ANKRD30B: variants seen among roughly 807,000 people sequenced by gnomAD.
ANKRD30B encodes ankyrin repeat domain-containing protein 30B.
ANKRD30B carries 144 observed loss-of-function variants against 202.2 expected under a neutral mutation model. That is an observed-to-expected ratio of 0.71 (90% CI 0.62 to 0.82). The LOEUF is 0.82. ANKRD30B is among the 40% of genes least tolerant of loss of function. ANKRD30B has a pLI of 0.00. For missense variants in ANKRD30B, 1,487 were observed against 1,669.1 expected (o/e 0.89, Z 1.90); for synonymous variants, 508 against 561.3 (o/e 0.91, Z 1.34).
intron 8 of ANKRD30B, among the ~76,000 whole-genome samples, chr18:14,771,461 A>G (rs1967002533): frequency 6.6e-6 from 1 of 152,220 alleles, no homozygotes; most frequent in Admixed American, 6.5e-5. Context: ...GGACAAGTAT[A>G]AAATAAGTAG....
At chr18:14,839,748 A>G (rs1208851426) in intron 36 of ANKRD30B, among the ~76,000 whole-genome samples, 2 of 152,192 alleles carry the variant, frequency 1.3e-5, no homozygotes, top group Admixed American at 1.3e-4. Flanking sequence ...AGCAAAAAAG[A>G]TGTAAAATTA....
rs1235481502 is a variant in ANKRD30B at position 14,831,620 on chromosome 18, AGTTTTTTTTTT to A, written c.2847+174_2847+184del. 3.3e-5 allele frequency among the ~76,000 whole-genome samples: 5 copies of A among 151,524 alleles called. No homozygotes were observed. The South Asian group carries it at 6.2e-4, about 19-fold the overall frequency. ...AGAAATATGAGTAGTTGATTTAAAC[AGTTTTTTTTTT>A]GTTTTTTTGTTTGTTTGTTTTACTT... On this transcript the variant is annotated intron_variant, in intron 34 of 43. Coordinates refer to ENST00000690538, the MANE Select transcript of ANKRD30B (RefSeq NM_001367607.2).
At chr18:14,892,697 G>A in the ANKRD30B span, among the ~76,000 whole-genome samples, 1 of 133,724 alleles carries the variant, frequency 7.5e-6, no homozygotes, top group Non-Finnish European at 1.5e-5. Flanking sequence ...CCAAAACGGT[G>A]CCACTGCCCT....
At chr18:14,793,078 G>A (rs568845895) in intron 16 of ANKRD30B, among the ~76,000 whole-genome samples, 1 of 152,240 alleles carries the variant, frequency 6.6e-6, no homozygotes, top group East Asian at 1.9e-4. Flanking sequence ...GATGAGGTTT[G>A]TACATCTTCC....
chr18:14,793,620 C>T (rs1399932868), intron 16 of ANKRD30B, among the ~76,000 whole-genome samples: 7 of 152,018 alleles, frequency 4.6e-5, no homozygotes, highest in African/African-American at 1.4e-4. Context: ...TCAGGCCAGG[C>T]GTGGTGACTC....
chr18:14,935,182 C>A, the ANKRD30B span, among the ~76,000 whole-genome samples: 1 of 152,156 alleles, frequency 6.6e-6, no homozygotes, highest in African/African-American at 2.4e-5. Flanking sequence ...GGGAGGGGTA[C>A]CTCGAGGAGG....
chr18:14,764,560 A>AT (rs35592672), intron 7 of ANKRD30B, among the ~76,000 whole-genome samples: 40,661 of 151,562 alleles, frequency 0.27, 5,772 homozygotes, highest in Middle Eastern at 0.31. Context: ...CACCTGGCTG[A>AT]TTTTTTGTAT....
intron 15 of ANKRD30B, among the ~76,000 whole-genome samples, chr18:14,791,021 T>C (rs1177364106): frequency 1.3e-5 from 2 of 152,200 alleles, no homozygotes; most frequent in East Asian, 1.9e-4. Context: ...CATCTGGTCC[T>C]GGACTCTTTT....
chr18:14,847,090 A>G (rs1417699268), intron 39 of ANKRD30B, among the ~76,000 whole-genome samples: 6 of 134,082 alleles, frequency 4.5e-5, no homozygotes, highest in Admixed American at 1.5e-4. Context: ...ATATATATAT[A>G]TATGTATAAT....
the ANKRD30B span, among the ~76,000 whole-genome samples, chr18:14,915,829 A>C: frequency 3.1e-4 from 47 of 152,220 alleles, no homozygotes; most frequent in Non-Finnish European, 5.7e-4. Flanking sequence ...TTCTACATCC[A>C]CAAGTCAAAA....
In ANKRD30B at chr18:14,791,408, G is replaced by A. The variant is rs780783994; in HGVS notation, c.1742G>A (p.Cys581Tyr). ...EENSWDSESPCETVSQKDVYL... is the reference protein window; with the variant it reads ...EENSWDSESPYETVSQKDVYL... ...TGATATTACTTTTAACAGAGTCCCTGTGAGACGGTTTCACAGAAGGATGTG... is the reference window on the plus strand; with the variant it reads ...TGATATTACTTTTAACAGAGTCCCTATGAGACGGTTTCACAGAAGGATGTG... The change falls in exon 16 of 44, where the codon TGT (cysteine) becomes TAT (tyrosine). Residue 581 changes from cysteine (C) to tyrosine (Y), a missense_variant. Around this residue, in one of 6 missense-constraint regions of ANKRD30B, gnomAD observed 889 missense variants for 841.4 expected, o/e 1.06. Transcript: ENST00000690538. 1 of 1,607,866 alleles carries A rather than the reference G, an allele frequency of 6.2e-7. No homozygotes were observed. The highest frequency in any genetic ancestry group is 1.3e-5 in the African/African-American group (1 of 74,708).
chr18:14,757,718 C>A lies in ANKRD30B; in HGVS notation c.618-97C>A. 4 of 1,324,628 alleles carry A rather than the reference C, an allele frequency of 3.0e-6. No homozygotes were observed. In the East Asian group the frequency reaches 7.4e-5, roughly 24 times the overall value. 82.1% of individuals were successfully genotyped at this position (1,324,628 alleles called of 1,614,324 possible). On this transcript the variant is annotated intron_variant, in intron 4 of 43. Coordinates refer to ENST00000690538, the MANE Select transcript of ANKRD30B (RefSeq NM_001367607.2). ...GATAAACACTTGAGCACTCAAGATACTTATGTTTGTTAGTACATGTAAATG... is the reference window on the plus strand; with the variant it reads ...GATAAACACTTGAGCACTCAAGATAATTATGTTTGTTAGTACATGTAAATG...
chr18:14,863,245 A>C, the ANKRD30B span, among the ~76,000 whole-genome samples: 1 of 108,508 alleles, frequency 9.2e-6, no homozygotes. Flanking sequence ...ATGTGATCTT[A>C]AACGTTGGTG....
the ANKRD30B span, among the ~76,000 whole-genome samples, chr18:14,939,209 C>G: frequency 1.3e-5 from 2 of 152,160 alleles, no homozygotes; most frequent in Admixed American, 1.3e-4. Flanking sequence ...TTCTGACAAA[C>G]TTGATCTTAG....
chr18:14,779,984 A>T lies in ANKRD30B; in HGVS notation c.1445A>T (p.Lys482Ile). 6.2e-7 allele frequency: 1 copy of T among 1,606,398 alleles called. No individual in the cohort carries two copies. The highest frequency in any genetic ancestry group is 8.5e-7 in the Non-Finnish European group (1 of 1,174,390). ...IEDQMFPSES[K>I]REEDEEYSWD... is the part of the protein sequence containing the mutation. The stretch of plus-strand genomic sequence containing the variant: ...GATCAGATGTTCCCATCAGAATCCA[A>T]ACGAGAGGAAGATGAAGAATATTCT... The change falls in exon 11 of 44, where the codon AAA becomes ATA. Residue 482 changes from lysine to isoleucine, a missense_variant. Around this residue, in one of 6 missense-constraint regions of ANKRD30B, gnomAD observed 889 missense variants for 841.4 expected, o/e 1.06. Coordinates refer to ENST00000690538, the MANE Select transcript of ANKRD30B (RefSeq NM_001367607.2).
At chr18:14,930,457 T>C in the ANKRD30B span, among the ~76,000 whole-genome samples, 13 of 152,174 alleles carry the variant, frequency 8.5e-5, no homozygotes, top group Middle Eastern at 3.4e-3. Context: ...CATGGTCTTC[T>C]CTGATGAGGA....
At chr18:14,889,084 G>A in the ANKRD30B span, among the ~76,000 whole-genome samples, 2 of 151,202 alleles carry the variant, frequency 1.3e-5, no homozygotes, top group African/African-American at 4.9e-5. Flanking sequence ...GCATAAAAAG[G>A]TATCTTAAAT....
chr18:14,874,852 T>C, the ANKRD30B span, among the ~76,000 whole-genome samples: 2 of 152,190 alleles, frequency 1.3e-5, no homozygotes, highest in Non-Finnish European at 2.9e-5. Flanking sequence ...CCTGAGCCCT[T>C]TCAAACTTTT....
chr18:14,756,887 G>A (rs928882410), intron 4 of ANKRD30B, among the ~76,000 whole-genome samples: 1 of 151,936 alleles, frequency 6.6e-6, no homozygotes, highest in African/African-American at 2.4e-5. Context: ...GCGAGATTCT[G>A]TCTCAAAGGA....
Sources: gnomAD v4.1 joint callset for allele counts (sites outside exome capture counted in the v4.1 genomes callset) on GRCh38, gnomAD v4.1.1 for gene constraint, gnomAD v4.1.1 regional missense constraint, MANE v1.5 for transcripts, NCBI Gene and HGNC (gene_info 2026-07-23, HGNC 2026-07-21) for gene names.